The following SYN2 variants were observed in gnomAD, a reference collection of about 807,000 sequenced individuals.
SYN2 encodes the protein synapsin-2.
A neutral mutation model predicts 50.9 loss-of-function variants in SYN2; 19 were observed. That is an observed-to-expected ratio of 0.37 (90% CI 0.26 to 0.55). The LOEUF is 0.55. Among genes scored for constraint, SYN2 ranks in the 20% least tolerant of loss-of-function variants. The pLI, the probability that SYN2 is intolerant of heterozygous loss-of-function variation, is 0.81. For synonymous variants in SYN2, 255 were observed against 224.9 expected, an observed-to-expected ratio of 1.13 and a Z score of -1.20; for missense variants, 587 against 576.4, an observed-to-expected ratio of 1.02 and a Z score of -0.19.
intron 5 of SYN2, chr3:12,158,673 G>C (rs762199389): frequency 4.4e-5 from 71 of 1,608,130 alleles, no homozygotes; most frequent in Non-Finnish European, 5.5e-5. Context: ...ACCACCCCCT[G>C]CTGTGGACCT....
chr3:12,108,235 C>A (rs1696240434), intron 1 of SYN2, among the ~76,000 whole-genome samples: 1 of 152,018 alleles, frequency 6.6e-6, no homozygotes, highest in Non-Finnish European at 1.5e-5. Context: ...AGAAGTAAGA[C>A]CAACTCTTAG....
At chr3:12,178,459 C>T (rs1431802131) in intron 10 of SYN2, among the ~76,000 whole-genome samples, 1 of 152,214 alleles carries the variant, frequency 6.6e-6, no homozygotes, top group East Asian at 1.9e-4. Context: ...AACCCACAAA[C>T]CCTCATCCAT....
chr3:12,032,835 C>T (rs1269123709), intron 1 of SYN2, among the ~76,000 whole-genome samples: 3 of 58,430 alleles, frequency 5.1e-5, no homozygotes, highest in African/African-American at 6.9e-5. Context: ...AATGTCCTCC[C>T]GTAGCTCAGA....
chr3:12,024,020 A>G (rs1694202017), intron 1 of SYN2, among the ~76,000 whole-genome samples: 1 of 152,182 alleles, frequency 6.6e-6, no homozygotes, highest in Non-Finnish European at 1.5e-5. Flanking sequence ...ACTGACATAC[A>G]TAAACGTGCA....
intron 1 of SYN2, among the ~76,000 whole-genome samples, chr3:12,017,366 A>G (rs1341894940): frequency 1.3e-5 from 2 of 152,200 alleles, no homozygotes; most frequent in Non-Finnish European, 2.9e-5. Flanking sequence ...TAATTTTACA[A>G]ATGAGGAAAC....
chr3:12,178,022 C>T (rs1023876355), intron 10 of SYN2, among the ~76,000 whole-genome samples: 2 of 152,188 alleles, frequency 1.3e-5, no homozygotes, highest in Non-Finnish European at 2.9e-5. Flanking sequence ...ACTGCAGGGG[C>T]AAGCCCAGAA....
intron 1 of SYN2, among the ~76,000 whole-genome samples, chr3:12,007,260 T>C (rs1294775908): frequency 6.6e-6 from 1 of 152,192 alleles, no homozygotes; most frequent in African/African-American, 2.4e-5. Context: ...ACTGTTTTCC[T>C]ATTTTCTCTG....
chr3:12,062,963 G>A (rs1037763512), intron 1 of SYN2, among the ~76,000 whole-genome samples: 3 of 151,898 alleles, frequency 2.0e-5, no homozygotes, highest in Non-Finnish European at 4.4e-5. Context: ...ATATTGCTAA[G>A]GTAAATAAGC....
intron 1 of SYN2, among the ~76,000 whole-genome samples, chr3:12,045,722 G>A (rs1276801387): frequency 6.6e-6 from 1 of 152,106 alleles, no homozygotes; most frequent in Non-Finnish European, 1.5e-5. Flanking sequence ...AGTGCTCATG[G>A]CGAACTGATT....
chr3:12,027,857 G>A (rs1694294444), intron 1 of SYN2, among the ~76,000 whole-genome samples: 1 of 151,906 alleles, frequency 6.6e-6, no homozygotes, highest in African/African-American at 2.4e-5. Context: ...AGGACCTTAG[G>A]CATCAATGTC....
At chr3:12,136,366 T>C (rs999107364) in intron 1 of SYN2, among the ~76,000 whole-genome samples, 1 of 152,168 alleles carries the variant, frequency 6.6e-6, no homozygotes, top group Non-Finnish European at 1.5e-5. Flanking sequence ...TCACAGGTGT[T>C]CACTATTAAG....
At chr3:12,023,743 A>G (rs939007376) in intron 1 of SYN2, among the ~76,000 whole-genome samples, 28 of 152,192 alleles carry the variant, frequency 1.8e-4, no homozygotes, top group African/African-American at 6.5e-4. Context: ...TTATCTGAAG[A>G]CAGTGTAGAA....
At position 12,016,850 on chromosome 3, in the gene SYN2, T is replaced by TCAA. The variant is rs539786991; in HGVS notation, c.377+11935_377+11937dup. On this transcript the variant is annotated intron_variant, in intron 1 of 12. Transcript: ENST00000621198. The stretch of plus-strand genomic sequence containing the variant: ...CAGCCTGGGTGACAGAGACTCCATC[T>TCAA]CAACAACAACAACAAAATTATGGAT... Among the ~76,000 whole-genome samples, 210 of 152,162 alleles carry TCAA rather than the reference T, an allele frequency of 1.4e-3. 4 individuals are homozygous for TCAA. In the South Asian group the frequency reaches 0.041, roughly 30 times the overall value.
chr3:12,100,500 T>C (rs888214476), intron 1 of SYN2, among the ~76,000 whole-genome samples: 28 of 152,114 alleles, frequency 1.8e-4, no homozygotes, highest in African/African-American at 6.8e-4. Flanking sequence ...ACAAACTAAG[T>C]GTAAGAACTA....
chr3:12,145,596 C>T, intron 3 of SYN2, 83 bp from the exon 4 acceptor site: 2 of 1,493,776 alleles, frequency 1.3e-6, no homozygotes, highest in South Asian at 2.5e-5. Flanking sequence ...TCTTCTTTAT[C>T]TTGGGTTTTG....
intron 10 of SYN2, among the ~76,000 whole-genome samples, chr3:12,180,884 C>T (rs1232265868): frequency 6.6e-6 from 1 of 152,202 alleles, no homozygotes; most frequent in Non-Finnish European, 1.5e-5. Context: ...TGAGCTCATC[C>T]TGTGTCTGGA....
At chr3:12,164,324 A>G (rs1396597904) in intron 7 of SYN2, among the ~76,000 whole-genome samples, 1 of 152,236 alleles carries the variant, frequency 6.6e-6, no homozygotes, top group Non-Finnish European at 1.5e-5. Context: ...AGCATAAAAA[A>G]AGAGACTTCT....
intron 12 of SYN2, among the ~76,000 whole-genome samples, chr3:12,188,013 GTT>G (rs398105604): frequency 2.5e-3 from 52 of 20,752 alleles, no homozygotes; most frequent in African/African-American, 5.5e-3. Context: ...CTTTGTGTGT[GTT>G]TCTTTCTTTG....
At position 12,078,497 on chromosome 3, in the gene SYN2, G is replaced by C. The variant is rs572812066; in HGVS notation, c.378-62154G>C. 2.0e-5 allele frequency among the ~76,000 whole-genome samples: 3 copies of C among 152,118 alleles called. No homozygotes were observed. The East Asian group carries it at 5.8e-4, about 29-fold the overall frequency. ...GTTTTTGTATAATGTGTAAGGAAGG[G>C]GTCCAGTTTCAATTTTCTGCATATG... On this transcript the variant is annotated intron_variant, in intron 1 of 12. Coordinates refer to ENST00000621198, the MANE Select transcript of SYN2 (RefSeq NM_133625.6).
Sources: allele counts gnomAD v4.1 joint callset (sites outside exome capture counted in the v4.1 genomes callset), GRCh38; gene constraint gnomAD v4.1.1; transcripts MANE v1.5; gene names NCBI Gene and HGNC (gene_info 2026-07-23, HGNC 2026-07-21).